The following HMGA2 variants were observed in gnomAD, a reference collection of about 807,000 sequenced individuals.
HMGA2 encodes the protein high mobility group AT-hook 2.
Under a neutral mutation model 19.1 loss-of-function variants are expected in HMGA2, and 8 were observed. That is an observed-to-expected ratio of 0.42 (90% CI 0.25 to 0.76). The LOEUF is 0.76. Ranked by LOEUF, HMGA2 falls within the 30% of genes least tolerant of loss-of-function variation. The pLI is 0.28. For missense variants in HMGA2, 109 were observed against 136.3 expected, an observed-to-expected ratio of 0.80 and a Z score of 1.00; for synonymous variants, 60 against 48.8, an observed-to-expected ratio of 1.23 and a Z score of -0.96.
chr12:65,852,383 A>G (rs946152775), intron 3 of HMGA2, among the ~76,000 whole-genome samples: 10 of 152,076 alleles, frequency 6.6e-5, no homozygotes, highest in Non-Finnish European at 1.0e-4. Flanking sequence ...CGCTGCTGTA[A>G]TCCCAGCTAC....
chr12:65,851,074 T>A (rs1376300586), intron 3 of HMGA2, among the ~76,000 whole-genome samples: 2 of 152,240 alleles, frequency 1.3e-5, no homozygotes, highest in African/African-American at 4.8e-5. Flanking sequence ...TTAACATATC[T>A]GCATTTGAGT....
At chr12:65,874,744 G>C (rs1565717074) in intron 3 of HMGA2, among the ~76,000 whole-genome samples, 1 of 152,154 alleles carries the variant, frequency 6.6e-6, no homozygotes, top group Admixed American at 6.5e-5. Flanking sequence ...TTGTTTTTCT[G>C]TATGTATACA....
At chr12:65,874,385 C>T (rs1219773673) in intron 3 of HMGA2, among the ~76,000 whole-genome samples, 1 of 151,996 alleles carries the variant, frequency 6.6e-6, no homozygotes, top group Non-Finnish European at 1.5e-5. Flanking sequence ...ATATAAAAAC[C>T]TTTAATGATG....
At chr12:65,868,036 C>T (rs557812107) in intron 3 of HMGA2, among the ~76,000 whole-genome samples, 1 of 152,294 alleles carries the variant, frequency 6.6e-6, no homozygotes, top group East Asian at 1.9e-4. Context: ...GTTCACCCTC[C>T]TTTTGAGCTC....
At chr12:65,827,873 A>T in intron 1 of HMGA2, 128 bp from the exon 2 acceptor site, 2 of 726,580 alleles carry the variant, frequency 2.8e-6, no homozygotes, top group East Asian at 5.1e-5. Context: ...TCATCCATTT[A>T]TGCTTGAACT....
intron 4 of HMGA2, chr12:65,955,677 C>G (rs1037851429): frequency 6.6e-6 from 1 of 152,134 alleles, no homozygotes; most frequent in Admixed American, 6.5e-5. Flanking sequence ...TTTCAATTTC[C>G]CAATGAGAGA....
At chr12:65,919,408 A>C (rs1241413023) in intron 3 of HMGA2, among the ~76,000 whole-genome samples, 1 of 152,216 alleles carries the variant, frequency 6.6e-6, no homozygotes, top group East Asian at 1.9e-4. Flanking sequence ...GTCCCATTGG[A>C]CCCACTTTCC....
intron 3 of HMGA2, chr12:65,842,217 C>A: frequency 1.4e-6 from 1 of 734,052 alleles, no homozygotes; most frequent in Non-Finnish European, 2.1e-6. Flanking sequence ...AAGAAAATCA[C>A]ATGACCTTTA....
intron 2 of HMGA2, chr12:65,828,393 G>A: frequency 2.9e-6 from 1 of 340,778 alleles, no homozygotes; most frequent in Non-Finnish European, 5.6e-6. Flanking sequence ...GGATGAAAAT[G>A]ACACAATTAA....
chr12:65,859,206 A>G (rs545594643), intron 3 of HMGA2: 1 of 152,334 alleles, frequency 6.6e-6, no homozygotes, highest in Non-Finnish European at 1.5e-5. Flanking sequence ...AAATTCACTT[A>G]TAGCCTCCAA....
At chr12:65,831,737 C>G (rs1269829747) in intron 2 of HMGA2, among the ~76,000 whole-genome samples, 2 of 151,846 alleles carry the variant, frequency 1.3e-5, no homozygotes, top group African/African-American at 4.8e-5. Context: ...GTTTGCTTTT[C>G]ATAATCATTA....
At chr12:65,831,366 C>T (rs1339397885) in intron 2 of HMGA2, among the ~76,000 whole-genome samples, 2 of 151,470 alleles carry the variant, frequency 1.3e-5, no homozygotes, top group African/African-American at 2.4e-5. Context: ...GTCAAATTCA[C>T]CTTTAAGTTT....
intron 3 of HMGA2, among the ~76,000 whole-genome samples, chr12:65,848,652 C>T (rs1448163507): frequency 2.0e-5 from 3 of 151,806 alleles, no homozygotes; most frequent in African/African-American, 4.8e-5. Context: ...GTCAGGAGAT[C>T]GAGACCATCC....
intron 3 of HMGA2, among the ~76,000 whole-genome samples, chr12:65,950,902 T>G (rs1876434319): frequency 6.6e-6 from 1 of 152,172 alleles, no homozygotes; most frequent in Non-Finnish European, 1.5e-5. Flanking sequence ...TATGTTGTAT[T>G]TCCTTAATAT....
chr12:65,950,209 C>T (rs986304678), intron 3 of HMGA2, among the ~76,000 whole-genome samples: 2 of 152,180 alleles, frequency 1.3e-5, no homozygotes, highest in African/African-American at 4.8e-5. Context: ...CTCCCAGGTA[C>T]ATACCCAAGA....
At chr12:65,847,012 T>C (rs891327349) in intron 3 of HMGA2, among the ~76,000 whole-genome samples, 1 of 152,296 alleles carries the variant, frequency 6.6e-6, no homozygotes, top group South Asian at 2.1e-4. Context: ...CAAATCCTAA[T>C]GACACACTAT....
At chr12:65,848,724 C>CG (rs571673890) in intron 3 of HMGA2, among the ~76,000 whole-genome samples, 8 of 151,982 alleles carry the variant, frequency 5.3e-5, no homozygotes, top group Non-Finnish European at 1.2e-4. Flanking sequence ...GGCGCGGTGG[C>CG]GGGCGCCTGT....
rs140501410 is a variant in HMGA2 at position 65,872,873 on chromosome 12, C to A, written c.249+34304C>A. Reference sequence around the variant, plus strand: ...TTCTTATGTTGATTATAGCATTGGGCCTAGTTTCTAATCTTGCCTCCTACT... The same window carrying A: ...TTCTTATGTTGATTATAGCATTGGGACTAGTTTCTAATCTTGCCTCCTACT... On this transcript the variant is annotated intron_variant, in intron 3 of 4. Transcript: ENST00000403681. 2.6e-5 allele frequency among the ~76,000 whole-genome samples: 4 copies of A among 152,264 alleles called. No homozygotes were observed. The East Asian group carries it at 7.7e-4, about 29-fold the overall frequency.
At chr12:65,936,695 CTTA>C (rs1478708553) in intron 3 of HMGA2, among the ~76,000 whole-genome samples, 2 of 152,150 alleles carry the variant, frequency 1.3e-5, no homozygotes, top group Non-Finnish European at 2.9e-5. Flanking sequence ...TTGAATAATG[CTTA>C]TTAAGTTCTT....
Sources: gnomAD v4.1 joint callset for allele counts (sites outside exome capture counted in the v4.1 genomes callset) on GRCh38, gnomAD v4.1.1 for gene constraint, MANE v1.5 for transcripts, NCBI Gene and HGNC (gene_info 2026-07-23, HGNC 2026-07-21) for gene names.